MSN: variants seen among roughly 807,000 people sequenced by gnomAD.
MSN encodes epididymis luminal protein 70.
MSN carries 2 observed loss-of-function variants against 48.0 expected under a neutral mutation model. That is an observed-to-expected ratio of 0.04 (90% confidence interval 0.02 to 0.13). The LOEUF (loss-of-function observed/expected upper bound fraction) is 0.13. Among genes scored for constraint, MSN ranks in the 10% least tolerant of loss-of-function variants. The pLI, the probability that MSN is intolerant of heterozygous loss-of-function variation, is 1.00. For missense variants in MSN, 267 were observed against 470.1 expected, an observed-to-expected ratio of 0.57 and a Z score of 3.99; for synonymous variants, 146 against 166.9, an observed-to-expected ratio of 0.87 and a Z score of 0.97.
chrX:65,697,726 G>T (rs1436813353), intron 1 of MSN, among the ~76,000 whole-genome samples: 1 of 112,392 alleles, frequency 8.9e-6, no homozygotes, highest in Admixed American at 9.4e-5. Flanking sequence ...GCATTTCCTG[G>T]TTTGTTAATC....
At chrX:65,629,281 G>A (rs920072520) in intron 1 of MSN, among the ~76,000 whole-genome samples, 17 of 110,996 alleles carry the variant, frequency 1.5e-4, no homozygotes, top group Non-Finnish European at 2.6e-4. Context: ...GTTCCTCATC[G>A]CCATCTGAGA....
At chrX:65,684,777 T>C (rs186440474) in intron 1 of MSN, among the ~76,000 whole-genome samples, 135 of 112,538 alleles carry the variant, frequency 1.2e-3, no homozygotes, top group African/African-American at 4.4e-3. Context: ...CTCACTCTGT[T>C]ACCCAGGCCG....
chrX:65,739,769 A>G lies in MSN; in HGVS notation c.1610A>G (p.Lys537Arg), dbSNP rs759051413. The G allele has an allele frequency of 4.1e-6, 5 of 1,211,440 alleles. No homozygotes were observed. In the South Asian group the frequency reaches 7.0e-5, roughly 17 times the overall value. ...CTGGCCAATGCCAGAGATGAGTCCA[A>G]GAAGACTGCCAATGACATGATCCAT... ...SELANARDES[K>R]KTANDMIHAE... The change falls in exon 13 of 13, where the codon AAG (lysine) becomes AGG (arginine). Residue 537 changes from lysine (K) to arginine (R), a missense_variant. Lys to Arg is a conservative substitution (Grantham distance 26). Coordinates refer to ENST00000360270, the MANE Select transcript of MSN (RefSeq NM_002444.3).
intron 1 of MSN, among the ~76,000 whole-genome samples, chrX:65,633,619 G>A (rs1355539489): frequency 8.9e-6 from 1 of 111,740 alleles, no homozygotes; most frequent in Non-Finnish European, 1.9e-5. Context: ...GGCCTGATAA[G>A]GAAACTTGCA....
chrX:65,597,212 T>A (rs1249765563), intron 1 of MSN, among the ~76,000 whole-genome samples: 1 of 108,307 alleles, frequency 9.2e-6, no homozygotes, highest in Admixed American at 1.0e-4. Context: ...TTTTCTTTTC[T>A]TTCTTTCTTT....
At chrX:65,732,229 T>C (rs1228262979) in intron 6 of MSN, among the ~76,000 whole-genome samples, 2 of 112,069 alleles carry the variant, frequency 1.8e-5, no homozygotes, top group African/African-American at 6.5e-5. Context: ...ATGTGGCTAC[T>C]TTGAATTGAG....
At position 65,606,276 on chromosome X, in the gene MSN, C is replaced by T. The variant is rs756494361; in HGVS notation, c.-22+17664C>T. 3.7e-5 allele frequency among the ~76,000 whole-genome samples: 4 copies of T among 108,881 alleles called. No individual in the cohort carries two copies. In the East Asian group the frequency reaches 1.2e-3, roughly 32 times the overall value. 94.6% of individuals were successfully genotyped at this position (108,881 alleles called of 115,157 possible). ...CCCGAGTAGCTGGGATTACAGGCGC[C>T]CACCACCATGCCCGGCTAATTTTTG... On this transcript the variant is annotated intron_variant, in intron 1 of 3. Coordinates refer to the MSN transcript ENST00000609672.
At chrX:65,645,057 G>A (rs2070685139) in intron 1 of MSN, among the ~76,000 whole-genome samples, 2 of 112,137 alleles carry the variant, frequency 1.8e-5, no homozygotes, top group Non-Finnish European at 3.8e-5. Flanking sequence ...CTGATGCCAA[G>A]CCCTGAGTCA....
chrX:65,737,435 A>T (rs1170386573), intron 10 of MSN, 97 bp downstream of exon 10: 2 of 986,965 alleles, frequency 2.0e-6, no homozygotes, highest in African/African-American at 3.9e-5. Context: ...CTGGCTTTTT[A>T]GAGCAGGCTA....
At chrX:65,710,096 ATGT>A (rs773937732) in intron 1 of MSN, among the ~76,000 whole-genome samples, 7 of 111,763 alleles carry the variant, frequency 6.3e-5, no homozygotes, top group Non-Finnish European at 1.1e-4. Flanking sequence ...GCCATCATAC[ATGT>A]TGTTTTCTCT....
intron 1 of MSN, among the ~76,000 whole-genome samples, chrX:65,613,788 T>A (rs1395091347): frequency 2.7e-5 from 3 of 112,243 alleles, no homozygotes; most frequent in African/African-American, 9.7e-5. Context: ...GTTGAATGGA[T>A]AGATTGCAAA....
intron 1 of MSN, among the ~76,000 whole-genome samples, chrX:65,641,571 T>G (rs1333213681): frequency 1.6e-5 from 1 of 61,668 alleles, no homozygotes; most frequent in Non-Finnish European, 2.9e-5. Context: ...TATATATATA[T>G]ATATATATAT....
chrX:65,673,743 T>G, intron 1 of MSN, among the ~76,000 whole-genome samples: 1 of 112,220 alleles, frequency 8.9e-6, no homozygotes, highest in Admixed American at 9.5e-5. Context: ...AGGAGTGTTT[T>G]GAACCATGGA....
At chrX:65,657,276 G>A (rs2070788853) in intron 1 of MSN, among the ~76,000 whole-genome samples, 1 of 111,576 alleles carries the variant, frequency 9.0e-6, no homozygotes, top group South Asian at 3.8e-4. Flanking sequence ...GGGAGCTCGA[G>A]GGGAGAGGAG....
intron 1 of MSN, among the ~76,000 whole-genome samples, chrX:65,672,190 A>C (rs1236315654): frequency 8.9e-6 from 1 of 112,151 alleles, no homozygotes; most frequent in Non-Finnish European, 1.9e-5. Flanking sequence ...AGAGGGGAGA[A>C]TATCTGGCTA....
At chrX:65,667,553 C>T, upstream of MSN, 7 of 769,457 alleles carry the variant, frequency 9.1e-6, no homozygotes, top group Non-Finnish European at 3.2e-6. Flanking sequence ...CCAGGCGGGG[C>T]TGGGCGGGGC....
At chrX:65,686,739 C>T (rs747329758) in intron 1 of MSN, among the ~76,000 whole-genome samples, 21 of 111,973 alleles carry the variant, frequency 1.9e-4, no homozygotes, top group African/African-American at 6.8e-4. Context: ...TATGTGTTAA[C>T]CTCAGAATTG....
intron 1 of MSN, among the ~76,000 whole-genome samples, chrX:65,601,702 C>T (rs939743392): frequency 4.4e-5 from 5 of 112,758 alleles, no homozygotes; most frequent in African/African-American, 1.6e-4. Context: ...CCAGTGTGTT[C>T]TGGAAAGGCC....
intron 1 of MSN, among the ~76,000 whole-genome samples, chrX:65,670,899 TATA>T (rs2070928602): frequency 0.015 from 9 of 587 alleles, 1 homozygote; most frequent in Admixed American, 0.037. Context: ...ATGACAGTTA[TATA>T]TATATATATA....
Sources: allele counts gnomAD v4.1 joint callset (sites outside exome capture counted in the v4.1 genomes callset), GRCh38; gene constraint gnomAD v4.1.1; transcripts MANE v1.5; gene names NCBI Gene and HGNC (gene_info 2026-07-23, HGNC 2026-07-21).